The following ICA1 variants were observed in gnomAD, a reference collection of about 807,000 sequenced individuals.
ICA1 encodes 69 kDa islet cell autoantigen.
Under a neutral mutation model 71.0 loss-of-function variants are expected in ICA1, and 40 were observed. That is an observed-to-expected ratio of 0.56 (90% CI 0.44 to 0.73). The LOEUF is 0.73. ICA1 is among the 30% of genes least tolerant of loss of function. The pLI is 0.00. For missense variants in ICA1, 578 were observed against 576.5 expected, an observed-to-expected ratio of 1.00 and a Z score of -0.03; for synonymous variants, 207 against 209.5, an observed-to-expected ratio of 0.99 and a Z score of 0.10.
intron 6 of ICA1, among the ~76,000 whole-genome samples, chr7:8,164,408 T>C (rs1805119481): frequency 6.6e-6 from 1 of 151,782 alleles, no homozygotes; most frequent in South Asian, 2.1e-4. Context: ...AATACTGCTC[T>C]GATCCAAAAG....
chr7:8,210,268 G>A (rs533512494), intron 6 of ICA1, among the ~76,000 whole-genome samples: 11 of 152,330 alleles, frequency 7.2e-5, no homozygotes, highest in South Asian at 4.1e-4. Flanking sequence ...TGCATGTGGA[G>A]ACTGAATAAT....
In ICA1 at chr7:8,130,290, G is replaced by A. The variant is rs1409459353; in HGVS notation, c.1061-2148C>T. On this transcript the variant is annotated intron_variant, in intron 12 of 13. Transcript: ENST00000402384. This position sits in a 1 kb window ranked among gnomAD's most constrained non-coding sequence, Gnocchi z 4.2. ...GGTAGTTCAGGAACCACTTGAGCCT[G>A]CACATGGTGGGCGAGGCAGGACTGT... Among the ~76,000 whole-genome samples the A allele has an allele frequency of 6.6e-6, 1 of 152,222 alleles. No individual in the cohort carries two copies. The highest frequency in any genetic ancestry group is 1.5e-5 in the Non-Finnish European group (1 of 68,040).
At chr7:8,183,309 ATATTTGTCCCGT>A (rs1382958912) in intron 6 of ICA1, among the ~76,000 whole-genome samples, 1 of 152,170 alleles carries the variant, frequency 6.6e-6, no homozygotes, top group East Asian at 1.9e-4. Context: ...TTTTCCCCAG[ATATTTGTCCCGT>A]TAAAGGCTAT....
intron 6 of ICA1, among the ~76,000 whole-genome samples, chr7:8,158,987 C>T (rs191486271): frequency 6.6e-6 from 1 of 152,310 alleles, no homozygotes; most frequent in East Asian, 1.9e-4. Context: ...CAGCTTTGCT[C>T]CATTGTTTTC....
chr7:8,116,920 G>A (rs1409543726), intron 13 of ICA1, among the ~76,000 whole-genome samples: 2 of 152,186 alleles, frequency 1.3e-5, no homozygotes, highest in Non-Finnish European at 2.9e-5. Context: ...CTTGTGATAT[G>A]GTTAGGCTTT....
chr7:8,196,585 A>T (rs762904752), intron 6 of ICA1, among the ~76,000 whole-genome samples: 19 of 152,118 alleles, frequency 1.2e-4, no homozygotes, highest in Admixed American at 1.2e-3. Flanking sequence ...ATGGTGAGGG[A>T]GGCTGTGTGT....
rs1040738071 is a variant in ICA1, at chr7:8,173,469, T to G, written c.580-14817A>C. On this transcript the variant is annotated intron_variant, in intron 6 of 13. Coordinates refer to ENST00000402384, the MANE Select transcript of ICA1 (RefSeq NM_001136020.3). The surrounding 1 kb of genome is among the most constrained non-coding windows in gnomAD (Gnocchi z 4.0). Reference sequence around the variant, plus strand: ...ACAGAAAAACAAACAAACAAAACCCTCACTGGGCACCTGTAGAGAATGCTA... The same window carrying G: ...ACAGAAAAACAAACAAACAAAACCCGCACTGGGCACCTGTAGAGAATGCTA... Among the ~76,000 whole-genome samples the G allele has an allele frequency of 6.6e-6, 1 of 152,066 alleles. No individual in the cohort carries two copies. The highest frequency in any genetic ancestry group is 2.4e-5 in the African/African-American group (1 of 41,402).
At chr7:8,251,088 T>C (rs953527576) in intron 1 of ICA1, among the ~76,000 whole-genome samples, 5 of 151,902 alleles carry the variant, frequency 3.3e-5, no homozygotes, top group African/African-American at 9.7e-5. Context: ...TTTAGTAAAA[T>C]GCCTCCCAAT....
chr7:8,119,019 T>G (rs1002652349), intron 13 of ICA1, among the ~76,000 whole-genome samples: 1 of 152,252 alleles, frequency 6.6e-6, no homozygotes, highest in Admixed American at 6.5e-5. Context: ...CTTCCTCAGT[T>G]GGTCTCTGAG....
At chr7:8,131,320 A>C (rs1791363072) in intron 12 of ICA1, among the ~76,000 whole-genome samples, 1 of 152,208 alleles carries the variant, frequency 6.6e-6, no homozygotes, top group African/African-American at 2.4e-5. Flanking sequence ...TTGCTTTTAA[A>C]AATTTAAACC....
chr7:8,215,322 A>G (rs909145861), intron 6 of ICA1, among the ~76,000 whole-genome samples: 1 of 152,074 alleles, frequency 6.6e-6, no homozygotes, highest in Non-Finnish European at 1.5e-5. Flanking sequence ...CTCAGCCAGG[A>G]ATGCTGCTCT....
intron 8 of ICA1, among the ~76,000 whole-genome samples, chr7:8,152,065 C>A (rs1798996037): frequency 6.6e-6 from 1 of 152,138 alleles, no homozygotes; most frequent in South Asian, 2.1e-4. Context: ...TGCCTGCCGG[C>A]CTTCCCAGCC....
intron 5 of ICA1, among the ~76,000 whole-genome samples, chr7:8,219,154 A>C (rs1796274938): frequency 1.3e-5 from 2 of 152,198 alleles, no homozygotes; most frequent in Non-Finnish European, 2.9e-5. Flanking sequence ...AATTATTATA[A>C]TGTTGGCTAT....
intron 6 of ICA1, among the ~76,000 whole-genome samples, chr7:8,164,754 C>CT (rs1389402370): frequency 6.6e-6 from 1 of 152,172 alleles, no homozygotes; most frequent in African/African-American, 2.4e-5. Context: ...AGGAGAAAGT[C>CT]TAAGCCAGCC....
At chr7:8,255,833 G>A (rs1347930904) in intron 1 of ICA1, among the ~76,000 whole-genome samples, 4 of 145,454 alleles carry the variant, frequency 2.8e-5, no homozygotes, top group Non-Finnish European at 4.5e-5. Flanking sequence ...GGAGTGCAGT[G>A]GCACAATCAT....
rs1784015929 is a variant in ICA1, at chr7:8,114,113, G to C, written c.1331-69C>G. The stretch of plus-strand genomic sequence containing the variant: ...GTCCACCTCTGCCATGCGGGATGCA[G>C]GCAGGTCCAGGTCATCTTCAAATGC... On this transcript the variant is annotated intron_variant, in intron 13 of 13. Transcript: ENST00000402384. The C allele has an allele frequency of 1.9e-6, 3 of 1,543,914 alleles. No individual in the cohort carries two copies. In the African/African-American group the frequency reaches 4.1e-5, roughly 21 times the overall value.
At chr7:8,228,904 T>A (rs980654702) in intron 3 of ICA1, among the ~76,000 whole-genome samples, 2 of 152,218 alleles carry the variant, frequency 1.3e-5, no homozygotes, top group African/African-American at 4.8e-5. Context: ...AATTAAGATC[T>A]GCAGAACAGT....
intron 8 of ICA1, among the ~76,000 whole-genome samples, chr7:8,154,760 AG>A (rs1210322640): frequency 1.3e-5 from 2 of 152,244 alleles, no homozygotes; most frequent in Non-Finnish European, 2.9e-5. Flanking sequence ...CTGGTGCAAG[AG>A]GGTTGGGAAG....
intron 8 of ICA1, among the ~76,000 whole-genome samples, chr7:8,150,115 T>C (rs1193222154): frequency 2.0e-5 from 3 of 152,062 alleles, no homozygotes; most frequent in Non-Finnish European, 2.9e-5. Context: ...AAAAATAAGA[T>C]AGAAAATTGA....
Sources: gnomAD v4.1 joint callset for allele counts (sites outside exome capture counted in the v4.1 genomes callset) on GRCh38, gnomAD v4.1.1 for gene constraint, Gnocchi (gnomAD v3.1) non-coding constraint, MANE v1.5 for transcripts, NCBI Gene and HGNC (gene_info 2026-07-23, HGNC 2026-07-21) for gene names.